The following PIP5K1B variants were observed in gnomAD, a reference collection of about 807,000 sequenced individuals.
PIP5K1B encodes the protein phosphatidylinositol 4-phosphate 5-kinase type-1 beta.
A neutral mutation model predicts 67.0 loss-of-function variants in PIP5K1B; 42 were observed. The ratio of observed to expected loss-of-function variants is 0.63; its 90% CI spans 0.49 to 0.81. PIP5K1B has a LOEUF of 0.81. Among genes scored for constraint, PIP5K1B ranks in the 30% least tolerant of loss-of-function variants. The pLI is 0.00. For synonymous variants in PIP5K1B, 214 were observed against 231.4 expected (o/e 0.92, Z 0.68); for missense variants, 459 against 646.3 (o/e 0.71, Z 3.14).
At chr9:68,917,507 C>T in intron 8 of PIP5K1B, 41 bp from the exon 9 acceptor site, 1 of 1,421,988 alleles carries the variant, frequency 7.0e-7, no homozygotes, top group Admixed American at 1.7e-5. Flanking sequence ...GACGAACAGG[C>T]CTTTGGGTTG....
chr9:68,972,495 G>T (rs1226613357), intron 14 of PIP5K1B, among the ~76,000 whole-genome samples: 1 of 152,136 alleles, frequency 6.6e-6, no homozygotes, highest in Non-Finnish European at 1.5e-5. Flanking sequence ...ACAAAAATTA[G>T]CTGGGTGTGG....
At chr9:68,822,116 A>G (rs1350634933) in intron 3 of PIP5K1B, among the ~76,000 whole-genome samples, 1 of 152,202 alleles carries the variant, frequency 6.6e-6, no homozygotes, top group Non-Finnish European at 1.5e-5. Context: ...GGTACTTCCC[A>G]GATAATTTTA....
intron 14 of PIP5K1B, among the ~76,000 whole-genome samples, chr9:68,985,950 C>A (rs1233795471): frequency 6.6e-6 from 1 of 152,182 alleles, no homozygotes; most frequent in Admixed American, 6.5e-5. Flanking sequence ...GAGCTTTATT[C>A]TTTTTATTAC....
intron 15 of PIP5K1B, among the ~76,000 whole-genome samples, chr9:69,002,222 C>G (rs998466470): frequency 2.0e-5 from 3 of 152,180 alleles, no homozygotes; most frequent in African/African-American, 7.2e-5. Flanking sequence ...TCAAGGATGG[C>G]GAAAGTCCTG....
chr9:68,905,823 G>T lies in PIP5K1B; in HGVS notation c.771+11185G>T, dbSNP rs113390967. 2.6e-5 allele frequency among the ~76,000 whole-genome samples: 4 copies of T among 152,260 alleles called. 1 individual carries two copies. The highest frequency in any genetic ancestry group is 9.6e-5 in the African/African-American group (4 of 41,546). On this transcript the variant is annotated intron_variant, in intron 8 of 15. Transcript: ENST00000265382. ...GCACGATTACCTTGTGAAAAGTAAA[G>T]TACTTTGGACATCCAGTGGTTCTGA... is the stretch of plus-strand genomic sequence containing the variant.
intron 14 of PIP5K1B, among the ~76,000 whole-genome samples, chr9:68,944,944 C>T (rs1827727646): frequency 6.6e-6 from 1 of 152,166 alleles, no homozygotes. Flanking sequence ...GAACACAGGT[C>T]TCTAGGGTCT....
chr9:68,851,724 T>G (rs1222272076), intron 4 of PIP5K1B, among the ~76,000 whole-genome samples: 1 of 152,154 alleles, frequency 6.6e-6, no homozygotes, highest in Non-Finnish European at 1.5e-5. Context: ...AAGGCAAGTT[T>G]AAGTGGGACA....
chr9:68,979,795 C>A (rs1444036399), intron 14 of PIP5K1B, among the ~76,000 whole-genome samples: 3 of 152,196 alleles, frequency 2.0e-5, no homozygotes, highest in Non-Finnish European at 2.9e-5. Flanking sequence ...TCGGTTGATA[C>A]CAGGAGAGAG....
chr9:68,870,892 A>G (rs904684900), intron 5 of PIP5K1B, among the ~76,000 whole-genome samples: 2 of 152,218 alleles, frequency 1.3e-5, no homozygotes, highest in African/African-American at 4.8e-5. Context: ...TTTGGTTACA[A>G]TTTGAAATAA....
intron 2 of PIP5K1B, chr9:68,781,746 CT>C (rs879260285): frequency 7.1e-3 from 1,092 of 153,050 alleles, no homozygotes; most frequent in Non-Finnish European, 9.5e-4. Flanking sequence ...AAATTTTTTC[CT>C]TTTTTTTTTT....
At chr9:68,835,628 A>G (rs1834561670) in intron 4 of PIP5K1B, among the ~76,000 whole-genome samples, 1 of 152,162 alleles carries the variant, frequency 6.6e-6, no homozygotes, top group Admixed American at 6.5e-5. Context: ...CCTACTCCAT[A>G]TTGGGATACT....
intron 1 of PIP5K1B, among the ~76,000 whole-genome samples, chr9:68,721,896 T>G (rs912383520): frequency 1.3e-5 from 2 of 152,200 alleles, no homozygotes; most frequent in African/African-American, 2.4e-5. Context: ...GTAGCGTGGC[T>G]CATTCCGTTG....
chr9:68,769,272 A>G (rs1342681802), intron 2 of PIP5K1B, among the ~76,000 whole-genome samples: 2 of 152,216 alleles, frequency 1.3e-5, no homozygotes, highest in African/African-American at 2.4e-5. Context: ...GTGACACATC[A>G]TTAAGATTAA....
intron 1 of PIP5K1B, among the ~76,000 whole-genome samples, chr9:68,729,700 C>T (rs1486458507): frequency 6.6e-6 from 1 of 151,976 alleles, no homozygotes; most frequent in African/African-American, 2.4e-5. Context: ...AGTAATCATC[C>T]ATAGTAATAG....
At chr9:68,846,326 T>C (rs1303513393) in intron 4 of PIP5K1B, among the ~76,000 whole-genome samples, 2 of 152,234 alleles carry the variant, frequency 1.3e-5, no homozygotes, top group Non-Finnish European at 2.9e-5. Context: ...AAGCACATGG[T>C]ACTGTAAACA....
chr9:68,751,083 C>T (rs867226631), intron 2 of PIP5K1B, among the ~76,000 whole-genome samples: 2 of 152,214 alleles, frequency 1.3e-5, no homozygotes, highest in South Asian at 2.1e-4. Context: ...ATTGGCAATG[C>T]GGTCTCAGGG....
chr9:68,929,215 T>A (rs2132576332), intron 12 of PIP5K1B, among the ~76,000 whole-genome samples: 1 of 150,486 alleles, frequency 6.6e-6, no homozygotes, highest in East Asian at 2.0e-4. Flanking sequence ...CCCCAGCACT[T>A]AATGAAGCCA....
At chr9:68,879,828 A>T (rs1824084863) in intron 6 of PIP5K1B, among the ~76,000 whole-genome samples, 2 of 152,076 alleles carry the variant, frequency 1.3e-5, no homozygotes, top group African/African-American at 4.8e-5. Context: ...TCATTTTTTT[A>T]AAAAAGAAAA....
At chr9:68,776,656 A>G (rs567925029) in intron 2 of PIP5K1B, among the ~76,000 whole-genome samples, 2 of 151,880 alleles carry the variant, frequency 1.3e-5, no homozygotes, top group African/African-American at 2.4e-5. Context: ...TTTTTAAAAT[A>G]TAAGTAATAT....
Sources: gnomAD v4.1 joint callset for allele counts (sites outside exome capture counted in the v4.1 genomes callset) on GRCh38, gnomAD v4.1.1 for gene constraint, MANE v1.5 for transcripts, NCBI Gene and HGNC (gene_info 2026-07-23, HGNC 2026-07-21) for gene names.